The following LRP2 variants were observed in gnomAD, a reference collection of about 807,000 sequenced individuals.
LRP2 encodes low-density lipoprotein receptor-related protein 2.
LRP2 carries 172 observed loss-of-function variants against 531.0 expected under a neutral mutation model. The ratio of observed to expected loss-of-function variants is 0.32; its 90% CI spans 0.29 to 0.37. LRP2 has a LOEUF of 0.37. Ranked by LOEUF, LRP2 falls within the 10% of genes least tolerant of loss-of-function variation. The pLI is 1.00. For missense variants in LRP2, 5,167 were observed against 5,868.3 expected, an observed-to-expected ratio of 0.88 and a Z score of 3.90; for synonymous variants, 1,992 against 2,027.6, an observed-to-expected ratio of 0.98 and a Z score of 0.47.
chr2:169,186,800 C>T (rs960396783), intron 49 of LRP2, among the ~76,000 whole-genome samples: 1 of 152,114 alleles, frequency 6.6e-6, no homozygotes. Flanking sequence ...ATCACTTCGT[C>T]TTCAAGCTAA....
At chr2:169,354,958 C>G (rs1472145626) in intron 1 of LRP2, among the ~76,000 whole-genome samples, 1 of 152,194 alleles carries the variant, frequency 6.6e-6, no homozygotes, top group Non-Finnish European at 1.5e-5. Flanking sequence ...AACAGACAAA[C>G]TCTTAGGAAC....
intron 4 of LRP2, 115 bp from the exon 5 acceptor site, chr2:169,294,825 A>ATTTC: frequency 1.5e-6 from 1 of 688,146 alleles, no homozygotes; most frequent in Non-Finnish European, 2.5e-6. Context: ...CTAAATGCAT[A>ATTTC]TATTGATACA....
chr2:169,186,072 C>T, intron 49 of LRP2, 53 bp from the exon 50 acceptor site: 1 of 1,512,980 alleles, frequency 6.6e-7, no homozygotes, highest in South Asian at 1.1e-5. Context: ...GACCAACTCA[C>T]TATAATGGTT....
chr2:169,207,034 A>T lies in LRP2; in HGVS notation c.6686T>A (p.Val2229Glu). Residue 2229 changes from valine (V) to glutamate (E), a missense_variant, in exon 39 of 79, where the codon GTG (valine) becomes GAG (glutamate). By Grantham distance (121) the Val-to-Glu change is moderately radical. Transcript: ENST00000649046. ...FLDCTNRTVL[V>E]SEGIVTPRGL... ...CCGTGGTGTGACAATGCCCTCTGACACAAGCACTGTTCGATTGGTACAGTC... is the reference window on the plus strand; with the variant it reads ...CCGTGGTGTGACAATGCCCTCTGACTCAAGCACTGTTCGATTGGTACAGTC... The T allele has an allele frequency of 6.2e-7, 1 of 1,614,198 alleles. No individual in the cohort carries two copies. Among genetic ancestry groups the T allele is most frequent in the Non-Finnish European group, 8.5e-7 (1 of 1,180,034 alleles).
At chr2:169,200,125 C>T (rs1311989557) in intron 44 of LRP2, among the ~76,000 whole-genome samples, 1 of 152,098 alleles carries the variant, frequency 6.6e-6, no homozygotes, top group East Asian at 1.9e-4. Context: ...GTGGCGGGTG[C>T]CTGTAGTCCC....
In LRP2 at chr2:169,280,457, T is replaced by A. The variant is rs779573739; in HGVS notation, c.1234A>T (p.Arg412Trp). The A allele has an allele frequency of 4.3e-6, 7 of 1,614,064 alleles. No homozygotes were observed. Among genetic ancestry groups the A allele is most frequent in the Non-Finnish European group, 5.9e-6 (7 of 1,180,026 alleles). Residue 412 changes from arginine to tryptophan, a missense_variant, in exon 11 of 79, where the codon AGG becomes TGG. Transcript: ENST00000649046. ...RDLLIGDIHG[R>W]SFRILVESQN... ...GACTCCACTAGGATCCGGAAGCTCCTTCCATGAATATCACCAATTAACAAA... is the reference window on the plus strand; with the variant it reads ...GACTCCACTAGGATCCGGAAGCTCCATCCATGAATATCACCAATTAACAAA...
chr2:169,173,673 T>C (rs746845369), intron 56 of LRP2, among the ~76,000 whole-genome samples: 4 of 152,214 alleles, frequency 2.6e-5, no homozygotes, highest in Non-Finnish European at 4.4e-5. Flanking sequence ...CTTGGTATCA[T>C]ATTCTGGTTG....
At chr2:169,279,717 AT>A in intron 11 of LRP2, 122 bp from the exon 12 acceptor site, 1 of 649,724 alleles carries the variant, frequency 1.5e-6, no homozygotes, top group East Asian at 2.7e-5. Flanking sequence ...ATTTTCAGAA[AT>A]TTCATGCAAG....
In LRP2 at chr2:169,235,783, G is replaced by C. The variant is rs777209290; in HGVS notation, c.4920+57C>G. The stretch of plus-strand genomic sequence containing the variant: ...TTCTTAGCTTTTCTGATACTCGTCT[G>C]ATTTCTACCTATCCACGACTGTAGT... On this transcript the variant is annotated intron_variant, in intron 29 of 78. Transcript: ENST00000649046. The C allele has an allele frequency of 4.5e-6, 6 of 1,329,360 alleles. No individual in the cohort carries two copies. In the Middle Eastern group the frequency reaches 5.5e-4, roughly 121 times the overall value. 82.3% of individuals were successfully genotyped at this position (1,329,360 alleles called of 1,614,324 possible).
At chr2:169,281,370 C>A (rs2105452279) in intron 10 of LRP2, among the ~76,000 whole-genome samples, 1 of 152,178 alleles carries the variant, frequency 6.6e-6, no homozygotes, top group East Asian at 1.9e-4. Flanking sequence ...TGCAGTGAGG[C>A]AAGATCTTGC....
At chr2:169,160,657 G>T (rs755113960) in intron 63 of LRP2, among the ~76,000 whole-genome samples, 2 of 121,266 alleles carry the variant, frequency 1.6e-5, no homozygotes, top group Admixed American at 8.1e-5. Flanking sequence ...TTCCATACCC[G>T]AATTGTTTGT....
chr2:169,304,269 CTT>C (rs1684357422), intron 4 of LRP2, among the ~76,000 whole-genome samples: 1 of 152,142 alleles, frequency 6.6e-6, no homozygotes, highest in Admixed American at 6.6e-5. Flanking sequence ...CAAGATAGGA[CTT>C]TCTCCTTCTG....
intron 9 of LRP2, among the ~76,000 whole-genome samples, chr2:169,286,035 T>C (rs1294556455): frequency 6.6e-6 from 1 of 152,198 alleles, no homozygotes; most frequent in African/African-American, 2.4e-5. Flanking sequence ...AAAGCAACAA[T>C]TCCCCTAAAA....
chr2:169,178,086 G>T, intron 52 of LRP2, 60 bp from the exon 53 acceptor site: 2 of 1,232,146 alleles, frequency 1.6e-6, no homozygotes, highest in Non-Finnish European at 2.4e-6. Flanking sequence ...CTAATGTCTT[G>T]CAGGATAAAA....
intron 63 of LRP2, among the ~76,000 whole-genome samples, chr2:169,159,383 A>C (rs1386172425): frequency 6.6e-6 from 1 of 152,192 alleles, no homozygotes; most frequent in Non-Finnish European, 1.5e-5. Flanking sequence ...GTCTGAGTAC[A>C]TTAAGAACAC....
chr2:169,292,824 C>A (rs1684031878), intron 6 of LRP2, among the ~76,000 whole-genome samples: 1 of 92,136 alleles, frequency 1.1e-5, no homozygotes, highest in South Asian at 4.4e-4. Flanking sequence ...CAGAGTGAGA[C>A]CCTGTCTCAA....
Position 169,259,006 on chromosome 2 carries a change from A to G in LRP2, c.2513+19T>C. On this transcript the variant is annotated intron_variant, in intron 17 of 78. Coordinates refer to ENST00000649046, the MANE Select transcript of LRP2 (RefSeq NM_004525.3). ...AGACATACAGTTTCAAGCTCTTAGGAAAACATGAACACACTTACCCGGCAA... is the reference window on the plus strand; with the variant it reads ...AGACATACAGTTTCAAGCTCTTAGGGAAACATGAACACACTTACCCGGCAA... The G allele has an allele frequency of 6.2e-7, 1 of 1,612,022 alleles. No homozygotes were observed. Among genetic ancestry groups the G allele is most frequent in the Non-Finnish European group, 8.5e-7 (1 of 1,178,416 alleles).
At chr2:169,354,114 T>C (rs1685928244) in intron 1 of LRP2, among the ~76,000 whole-genome samples, 2 of 152,134 alleles carry the variant, frequency 1.3e-5, no homozygotes, top group South Asian at 4.1e-4. Flanking sequence ...GACAAGCAAA[T>C]CACTGACAGT....
At chr2:169,208,184 G>C (rs1574134624) in intron 38 of LRP2, among the ~76,000 whole-genome samples, 1 of 152,154 alleles carries the variant, frequency 6.6e-6, no homozygotes, top group African/African-American at 2.4e-5. Context: ...TAACATGAAA[G>C]CAGCCATAGA....
Sources: gnomAD v4.1 joint callset for allele counts (sites outside exome capture counted in the v4.1 genomes callset) on GRCh38, gnomAD v4.1.1 for gene constraint, MANE v1.5 for transcripts, NCBI Gene and HGNC (gene_info 2026-07-23, HGNC 2026-07-21) for gene names.